Variants in ASTN2 observed in about 807,000 individuals in gnomAD.
The protein encoded by ASTN2 is astrotactin-2.
A neutral mutation model predicts 139.8 loss-of-function variants in ASTN2; 54 were observed. That is an observed-to-expected ratio of 0.39 (90% CI 0.31 to 0.48). The LOEUF (loss-of-function observed/expected upper bound fraction) is 0.48, where lower values mean the gene tolerates loss of function less well. Among genes scored for constraint, ASTN2 ranks in the 20% least tolerant of loss-of-function variants. The pLI is 0.95. For missense variants in ASTN2, 1,565 were observed against 1,725.1 expected (o/e 0.91, Z 1.64); for synonymous variants, 756 against 719.5 (o/e 1.05, Z -0.81).
intron 11 of ASTN2, among the ~76,000 whole-genome samples, chr9:116,830,932 A>G (rs1452905776): frequency 6.6e-6 from 1 of 152,170 alleles, no homozygotes; most frequent in Admixed American, 6.5e-5. Context: ...AGTTGATTGA[A>G]TAAAGAAAAT....
intron 13 of ASTN2, among the ~76,000 whole-genome samples, chr9:116,757,992 G>A (rs1829579232): frequency 2.0e-5 from 3 of 152,112 alleles, no homozygotes; most frequent in Admixed American, 6.5e-5. Context: ...ATGAATGAAT[G>A]AGCAGCCAAT....
intron 4 of ASTN2, among the ~76,000 whole-genome samples, chr9:117,136,103 A>T (rs1019136407): frequency 4.6e-5 from 7 of 152,200 alleles, no homozygotes; most frequent in African/African-American, 1.7e-4. Context: ...TAAAAATAAG[A>T]CTAATAATCA....
chr9:117,361,531 T>C (rs778873015), intron 1 of ASTN2, among the ~76,000 whole-genome samples: 3 of 152,130 alleles, frequency 2.0e-5, no homozygotes, highest in Admixed American at 1.3e-4. Context: ...GAATACCTAC[T>C]ACAGGGTTGC....
At chr9:116,505,494 T>C (rs898455844) in intron 19 of ASTN2, among the ~76,000 whole-genome samples, 8 of 152,148 alleles carry the variant, frequency 5.3e-5, no homozygotes, top group African/African-American at 1.9e-4. Context: ...CACCTTTGGA[T>C]TCCAATAAAA....
At chr9:116,691,659 A>T (rs929576879) in intron 16 of ASTN2, among the ~76,000 whole-genome samples, 2 of 152,128 alleles carry the variant, frequency 1.3e-5, no homozygotes, top group Non-Finnish European at 1.5e-5. Context: ...AGTTTATCTT[A>T]GTTGTCTGCA....
chr9:116,729,502 C>A (rs941686589), intron 14 of ASTN2, among the ~76,000 whole-genome samples: 7 of 152,148 alleles, frequency 4.6e-5, no homozygotes, highest in African/African-American at 1.7e-4. Flanking sequence ...GAAGTGGGAG[C>A]CCTCTGGTAA....
At chr9:117,126,480 A>T (rs1338151362) in intron 4 of ASTN2, among the ~76,000 whole-genome samples, 1 of 152,228 alleles carries the variant, frequency 6.6e-6, no homozygotes, top group Non-Finnish European at 1.5e-5. Flanking sequence ...CATTACTCTT[A>T]AAAGAGTAAA....
intron 13 of ASTN2, among the ~76,000 whole-genome samples, chr9:116,770,776 G>A (rs1313202157): frequency 2.0e-5 from 3 of 151,832 alleles, no homozygotes; most frequent in East Asian, 1.9e-4. Context: ...AGTACCCTAC[G>A]GAAAAGCCAA....
chr9:116,878,523 G>A (rs956469285), intron 10 of ASTN2, among the ~76,000 whole-genome samples: 14 of 152,006 alleles, frequency 9.2e-5, no homozygotes, highest in Non-Finnish European at 2.9e-5. Flanking sequence ...ACACAGGGAG[G>A]GGAACAACAC....
chr9:116,578,080 G>C (rs1363886645), intron 19 of ASTN2, among the ~76,000 whole-genome samples: 1 of 152,148 alleles, frequency 6.6e-6, no homozygotes, highest in Admixed American at 6.5e-5. Flanking sequence ...TCTGACTACA[G>C]AGTGGAAAGT....
intron 2 of ASTN2, among the ~76,000 whole-genome samples, chr9:117,245,782 A>C (rs978680677): frequency 3.3e-5 from 5 of 151,946 alleles, no homozygotes; most frequent in Admixed American, 1.3e-4. Flanking sequence ...ATTCTTTCCC[A>C]CTACTCTTTG....
intron 19 of ASTN2, among the ~76,000 whole-genome samples, chr9:116,565,215 AACACACACACACACACAC>A (rs59415099): frequency 3.8e-4 from 51 of 134,256 alleles, no homozygotes; most frequent in Non-Finnish European, 5.2e-4. Flanking sequence ...GCTTGCCACA[AACACACACACACACACAC>A]ACACACACAC....
chr9:117,322,321 A>C (rs1214260134), intron 1 of ASTN2, among the ~76,000 whole-genome samples: 1 of 152,182 alleles, frequency 6.6e-6, no homozygotes, highest in African/African-American at 2.4e-5. Context: ...ACCGTGCCCT[A>C]GCACTGAATA....
intron 1 of ASTN2, among the ~76,000 whole-genome samples, chr9:117,311,699 C>T (rs1465476889): frequency 6.6e-6 from 1 of 152,058 alleles, no homozygotes; most frequent in Admixed American, 6.6e-5. Flanking sequence ...TTTAATTGTC[C>T]CACACACACA....
chr9:116,976,724 G>A lies in ASTN2; in HGVS notation c.1653C>T (p.Arg551=). The change falls in exon 8 of 23, where the codon CGC becomes CGT. Residue 551 remains arginine (R), a synonymous_variant. Transcript: ENST00000313400. ...ACCCTTCACTCTGTCCCCAGTCACT[G>A]CGCACACACAGGTGTCTGTGAACAG... The part of the protein sequence containing the change: ...PDPVHRHLCV[R]SDWGQSEGPW... 1 of 1,614,126 alleles carries A rather than the reference G, an allele frequency of 6.2e-7. No individual in the cohort carries two copies. The highest frequency in any genetic ancestry group is 8.5e-7 in the Non-Finnish European group (1 of 1,179,984).
intron 1 of ASTN2, among the ~76,000 whole-genome samples, chr9:117,410,828 T>A (rs1265291467): frequency 6.6e-6 from 1 of 152,154 alleles, no homozygotes; most frequent in Non-Finnish European, 1.5e-5. Flanking sequence ...CCCTTTGACA[T>A]CCAAGAGTCA....
chr9:116,565,424 T>TTG (rs1853176125), intron 19 of ASTN2, among the ~76,000 whole-genome samples: 1 of 116,954 alleles, frequency 8.6e-6, no homozygotes, highest in African/African-American at 3.2e-5. Flanking sequence ...TATATATATA[T>TTG]ATATATTTAT....
In ASTN2 at chr9:117,209,798, C is replaced by T. The variant is rs181869144; in HGVS notation, c.1015+4560G>A. On this transcript the variant is annotated intron_variant, in intron 3 of 22. Transcript: ENST00000313400. The stretch of plus-strand genomic sequence containing the variant: ...GGGACATTCTCCAGGATTAGCCATA[C>T]GTTAGAGCACAAAACAAATCTCAGA... Among the ~76,000 whole-genome samples the T allele has an allele frequency of 1.4e-4, 22 of 152,138 alleles. No homozygotes were observed. In the East Asian group the frequency reaches 3.1e-3, roughly 21 times the overall value.
chr9:117,251,655 C>A (rs1259873916), intron 2 of ASTN2, among the ~76,000 whole-genome samples: 2 of 152,164 alleles, frequency 1.3e-5, no homozygotes, highest in Admixed American at 1.3e-4. Flanking sequence ...AGTTTCTAAT[C>A]TTTTAGCTGC....
Sources: allele counts gnomAD v4.1 joint callset (sites outside exome capture counted in the v4.1 genomes callset), GRCh38; gene constraint gnomAD v4.1.1; transcripts MANE v1.5; gene names NCBI Gene and HGNC (gene_info 2026-07-23, HGNC 2026-07-21).